The following RPS6KC1 variants were observed in gnomAD, a reference collection of about 807,000 sequenced individuals.
RPS6KC1 encodes the protein ribosomal protein S6 kinase C1, also known as inactive ribosomal protein S6 kinase delta-1.
RPS6KC1 carries 54 observed loss-of-function variants against 103.8 expected under a neutral mutation model. That is an observed-to-expected ratio of 0.52 (90% CI 0.42 to 0.65). The LOEUF (loss-of-function observed/expected upper bound fraction) is 0.65. Ranked by LOEUF, RPS6KC1 falls within the 30% of genes least tolerant of loss-of-function variation. The probability of loss-of-function intolerance (pLI) is 0.00; values close to 1 mark genes in which losing one functional copy is unlikely to be tolerated. For synonymous variants in RPS6KC1, 439 were observed against 438.7 expected (o/e 1.00, Z -0.01); for missense variants, 1,151 against 1,253.8 (o/e 0.92, Z 1.24).
At chr1:213,196,345 C>A (rs1228862082) in intron 8 of RPS6KC1, among the ~76,000 whole-genome samples, 2 of 151,808 alleles carry the variant, frequency 1.3e-5, no homozygotes, top group Non-Finnish European at 2.9e-5. Flanking sequence ...TTTTTTCTTG[C>A]TGATTTATTT....
the RPS6KC1 span, among the ~76,000 whole-genome samples, chr1:213,756,618 C>T: frequency 1.3e-5 from 2 of 152,018 alleles, no homozygotes. Context: ...TCAAATGCCC[C>T]CTCTTCCACT....
the RPS6KC1 span, among the ~76,000 whole-genome samples, chr1:213,792,556 A>G: frequency 6.6e-6 from 1 of 152,196 alleles, no homozygotes; most frequent in Non-Finnish European, 1.5e-5. Context: ...TAGAGACACT[A>G]TGGGCTCTTA....
the RPS6KC1 span, among the ~76,000 whole-genome samples, chr1:213,677,837 A>G: frequency 0.7 from 106,744 of 151,810 alleles, 37,961 homozygotes; most frequent in South Asian, 0.82. Flanking sequence ...GGAACCTTGT[A>G]TCTACTAAAA....
chr1:213,771,991 G>A, the RPS6KC1 span, among the ~76,000 whole-genome samples: 9 of 152,146 alleles, frequency 5.9e-5, no homozygotes, highest in Non-Finnish European at 1.3e-4. Flanking sequence ...CTCCACGTAC[G>A]CTAATAAAGG....
rs761647610 is a variant in RPS6KC1 at position 213,240,832 on chromosome 1, C to G, written c.1356C>G (p.Asp452Glu). Residue 452 changes from aspartate to glutamate, a missense_variant, in exon 11 of 15, where the codon GAC becomes GAG. Coordinates refer to ENST00000366960, the MANE Select transcript of RPS6KC1 (RefSeq NM_012424.6). ...AGCAGCCAACTTCTAGTCCTCAGGA[C>G]AGCAGTAGCTTTGAATCCAGAGGAA... ...HLQQPTSSPQ[D>E]SSSFESRGSD... 2 of 1,613,802 alleles carry G rather than the reference C, an allele frequency of 1.2e-6. No individual in the cohort carries two copies. Among genetic ancestry groups the G allele is most frequent in the East Asian group, 4.5e-5 (2 of 44,888 alleles).
At chr1:213,668,782 G>T in the RPS6KC1 span, among the ~76,000 whole-genome samples, 7 of 152,236 alleles carry the variant, frequency 4.6e-5, no homozygotes, top group South Asian at 1.4e-3. Context: ...ATCCTAGTTA[G>T]ATCTTCTGGA....
chr1:213,629,794 C>G, the RPS6KC1 span, among the ~76,000 whole-genome samples: 3 of 152,158 alleles, frequency 2.0e-5, no homozygotes, highest in South Asian at 6.2e-4. Context: ...GACAAAATCT[C>G]TCAGCATTTG....
chr1:213,515,838 G>A, the RPS6KC1 span, among the ~76,000 whole-genome samples: 16 of 152,104 alleles, frequency 1.1e-4, no homozygotes, highest in African/African-American at 3.6e-4. Context: ...CCATTTTCGC[G>A]ATATTGATTC....
rs1417462188 is a variant in RPS6KC1 at position 213,152,322 on chromosome 1, A to G, written c.836-15536A>G. ...TCCCGGATGGGGCGGCTGGCCGGGC[A>G]GGGGGCTGACCCCCCCCACCTCCCT... On this transcript the variant is annotated intron_variant, in intron 6 of 14. Coordinates refer to ENST00000366960, the MANE Select transcript of RPS6KC1 (RefSeq NM_012424.6). Among the ~76,000 whole-genome samples, 512 of 120,090 alleles carry G rather than the reference A, an allele frequency of 4.3e-3. 2 individuals are homozygous for G. The highest frequency in any genetic ancestry group is 0.015 in the African/African-American group (472 of 31,094). 78.8% of individuals were successfully genotyped at this position (120,090 alleles called of 152,430 possible).
the RPS6KC1 span, among the ~76,000 whole-genome samples, chr1:213,598,935 A>AAAACC: frequency 2.6e-5 from 4 of 152,204 alleles, no homozygotes; most frequent in East Asian, 3.9e-4. Flanking sequence ...AAAACAAAAC[A>AAAACC]AAACCAAAAA....
intron 8 of RPS6KC1, among the ~76,000 whole-genome samples, chr1:213,212,727 T>C (rs547094150): frequency 4.6e-5 from 7 of 152,378 alleles, no homozygotes; most frequent in African/African-American, 1.7e-4. Flanking sequence ...TCTGTTGCTT[T>C]ATATCTTTGC....
chr1:213,654,427 G>A, the RPS6KC1 span, among the ~76,000 whole-genome samples: 11 of 152,292 alleles, frequency 7.2e-5, no homozygotes, highest in Non-Finnish European at 1.3e-4. Context: ...TCTGGTTAAG[G>A]AGGCGACTTT....
the RPS6KC1 span, among the ~76,000 whole-genome samples, chr1:213,747,512 T>G: frequency 2.6e-5 from 4 of 152,214 alleles, no homozygotes; most frequent in Non-Finnish European, 5.9e-5. Flanking sequence ...CTGTGGCAAG[T>G]TTCTGTTTTC....
At chr1:213,191,163 C>T (rs1263784070) in intron 8 of RPS6KC1, among the ~76,000 whole-genome samples, 1 of 151,878 alleles carries the variant, frequency 6.6e-6, no homozygotes, top group Admixed American at 6.6e-5. Flanking sequence ...TTTAGGATTG[C>T]CTTTTCTATT....
At chr1:213,565,445 C>A in the RPS6KC1 span, among the ~76,000 whole-genome samples, 1,360 of 152,268 alleles carry the variant, frequency 8.9e-3, 17 homozygotes, top group African/African-American at 0.027. Flanking sequence ...GGGATGAACT[C>A]CTGGTACGTG....
intron 7 of RPS6KC1, among the ~76,000 whole-genome samples, chr1:213,174,703 C>T (rs1024755443): frequency 6.7e-6 from 1 of 148,472 alleles, no homozygotes; most frequent in African/African-American, 2.5e-5. Context: ...GAGGTTATTG[C>T]TATTACATGT....
At chr1:213,148,973 A>G (rs1221147817) in intron 6 of RPS6KC1, among the ~76,000 whole-genome samples, 1 of 152,146 alleles carries the variant, frequency 6.6e-6, no homozygotes, top group Non-Finnish European at 1.5e-5. Context: ...ATAGTTGCAC[A>G]TATTAGCTAC....
chr1:213,123,383 G>T (rs2084615537), intron 5 of RPS6KC1, among the ~76,000 whole-genome samples: 1 of 152,208 alleles, frequency 6.6e-6, no homozygotes, highest in South Asian at 2.1e-4. Context: ...AATTAAGATT[G>T]CTGTGTTGTT....
chr1:213,851,091 C>T, the RPS6KC1 span, among the ~76,000 whole-genome samples: 1 of 152,044 alleles, frequency 6.6e-6, no homozygotes, highest in Admixed American at 6.6e-5. Flanking sequence ...CCATCATCAA[C>T]CCCCTCTTTC....
Sources: gnomAD v4.1 joint callset for allele counts (sites outside exome capture counted in the v4.1 genomes callset) on GRCh38, gnomAD v4.1.1 for gene constraint, MANE v1.5 for transcripts, NCBI Gene and HGNC (gene_info 2026-07-23, HGNC 2026-07-21) for gene names.